CD163L1: variants seen among roughly 807,000 people sequenced by gnomAD.
The protein encoded by CD163L1 is scavenger receptor cysteine-rich type 1 protein M160.
In CD163L1, 124 loss-of-function variants were observed where a neutral mutation model predicts 165.4. The observed-to-expected ratio is 0.75, with a 90% confidence interval of 0.65 to 0.87. The LOEUF (loss-of-function observed/expected upper bound fraction) is 0.87. CD163L1 is among the 40% of genes least tolerant of loss of function. The probability of loss-of-function intolerance (pLI) is 0.00; values close to 1 mark genes in which losing one functional copy is unlikely to be tolerated. For missense variants in CD163L1, 1,525 were observed against 1,799.9 expected, an observed-to-expected ratio of 0.85 and a Z score of 2.76; for synonymous variants, 585 against 662.2, an observed-to-expected ratio of 0.88 and a Z score of 1.79.
Position 7,375,586 on chromosome 12 carries a change from T to C in CD163L1, c.2696A>G (p.Asp899Gly). 2 of 1,612,400 alleles carry C rather than the reference T, an allele frequency of 1.2e-6. No homozygotes were observed. The highest frequency in any genetic ancestry group is 1.7e-6 in the Non-Finnish European group (2 of 1,179,996). Reference protein sequence around the residue: ...EVGVVCSRYTDVRLVNGKSQC... With the variant: ...EVGVVCSRYTGVRLVNGKSQC... ...GGATTTGCCATTCACAAGTCGGACA[T>C]CTGTATATCCTAGGAGGAGACAAGG... Residue 899 changes from aspartate (D) to glycine (G), a missense_variant, in exon 11 of 20, where the codon GAT becomes GGT. Coordinates refer to ENST00000313599, the MANE Select transcript of CD163L1 (RefSeq NM_174941.6).
intron 4 of CD163L1, among the ~76,000 whole-genome samples, chr12:7,410,870 T>A (rs1411061465): frequency 1.3e-5 from 2 of 148,440 alleles, no homozygotes; most frequent in Admixed American, 1.3e-4. Flanking sequence ...TATATATATA[T>A]AATAAAAAAT....
In CD163L1 at chr12:7,398,573, G is replaced by C. The variant is rs749093549; in HGVS notation, c.1420C>G (p.Leu474Val). 1 of 1,568,748 alleles carries C rather than the reference G, an allele frequency of 6.4e-7. No homozygotes were observed. Among genetic ancestry groups the C allele is most frequent in the Non-Finnish European group, 8.6e-7 (1 of 1,160,358 alleles). Residue 474 changes from leucine (L) to valine (V), a missense_variant, in exon 7 of 20, where the codon CTG (leucine) becomes GTG (valine). Coordinates refer to ENST00000313599, the MANE Select transcript of CD163L1 (RefSeq NM_174941.6). This position sits in a 1 kb window ranked among gnomAD's most constrained non-coding sequence, Gnocchi z 4.5. The stretch of plus-strand genomic sequence containing the variant: ...TGAGCCCCGACAAGCCTTAGGTCCA[G>C]ATCTGCCTTATCTGCAAGCAAGACA... ...AGVICSDKADLDLRLVGAHSP... is the reference protein window; with the variant it reads ...AGVICSDKADVDLRLVGAHSP...
chr12:7,349,132 T>G (rs1303007113), intron 4 of CD163L1, among the ~76,000 whole-genome samples: 1 of 152,124 alleles, frequency 6.6e-6, no homozygotes, highest in East Asian at 1.9e-4. Context: ...GTTTAGAGAC[T>G]GATAAGCTTG....
intron 18 of CD163L1, among the ~76,000 whole-genome samples, chr12:7,362,074 T>C (rs1439544470): frequency 2.0e-5 from 3 of 149,722 alleles, no homozygotes; most frequent in African/African-American, 7.3e-5. Context: ...TACATTCCAT[T>C]GTATATATAC....
chr12:7,350,795 A>G (rs1006656790), downstream of CD163L1, among the ~76,000 whole-genome samples: 6 of 152,196 alleles, frequency 3.9e-5, no homozygotes, highest in African/African-American at 9.6e-5. Flanking sequence ...AAAATTGCCA[A>G]AATATCAAAA....
At chr12:7,352,031 AG>A, downstream of CD163L1, among the ~76,000 whole-genome samples, 1 of 152,318 alleles carries the variant, frequency 6.6e-6, no homozygotes, top group Non-Finnish European at 1.5e-5. Context: ...TACTGACAGT[AG>A]AATTTCAACA....
chr12:7,362,148 A>G (rs1349715950), intron 18 of CD163L1, among the ~76,000 whole-genome samples: 1 of 146,644 alleles, frequency 6.8e-6, no homozygotes, highest in Non-Finnish European at 1.5e-5. Flanking sequence ...TATACTATAT[A>G]TTATTTTTAT....
chr12:7,338,910 T>A, the CD163L1 span, among the ~76,000 whole-genome samples: 2 of 152,164 alleles, frequency 1.3e-5, no homozygotes, highest in Non-Finnish European at 2.9e-5. Context: ...TATTCCCAAA[T>A]GGTGTTCCTT....
chr12:7,375,450 C>T lies in CD163L1; in HGVS notation c.2832G>A (p.Gly944=), dbSNP rs1403611829. 15 of 1,614,078 alleles carry T rather than the reference C, an allele frequency of 9.3e-6. No homozygotes were observed. Among genetic ancestry groups the T allele is most frequent in the Non-Finnish European group, 1.2e-5 (14 of 1,180,048 alleles). ...ARVLCRQLSC[G]TALSTTGGKY... ...TTCCTCCTGTGGTTGAGAGAGCAGT[C>T]CCACAGCTGAGCTGTCTGCATAGAA... Residue 944 remains glycine (G), a synonymous_variant, in exon 11 of 20, where the codon GGG becomes GGA. Transcript: ENST00000313599.
At position 7,373,471 on chromosome 12, in the gene CD163L1, G is replaced by A. The variant is rs778666311; in HGVS notation, c.3579C>T (p.Ser1193=). The A allele has an allele frequency of 9.9e-6, 16 of 1,614,180 alleles. No individual in the cohort carries two copies. The South Asian group carries it at 1.4e-4, about 14-fold the overall frequency. The stretch of plus-strand genomic sequence containing the variant: ...AGCCTGTCTTAGATAAAGGGGCGAG[G>A]CTGACAACTCCATTCTCCCCACAGC... ...QLGCGENGVV[S]LAPLSKTGSG... is the part of the protein sequence containing the mutation. The change falls in exon 14 of 20, where the codon AGC becomes AGT. Residue 1193 remains serine (S), a synonymous_variant. Transcript: ENST00000313599.
intron 4 of CD163L1, among the ~76,000 whole-genome samples, chr12:7,414,719 T>C (rs1334627430): frequency 6.6e-6 from 1 of 152,088 alleles, no homozygotes; most frequent in East Asian, 1.9e-4. Flanking sequence ...AACAGAAAAC[T>C]AGCCACATGC....
chr12:7,368,821 A>C lies in CD163L1; in HGVS notation c.4072+112T>G, dbSNP rs1380281566. ...ACCACTGGCTGCGACCCACAGACTC[A>C]TATTTCTGCAGTCCCCAGTCTTCTT... On this transcript the variant is annotated intron_variant, in intron 16 of 19. Transcript: ENST00000313599. This position sits in a 1 kb window ranked among gnomAD's most constrained non-coding sequence, Gnocchi z 4.3. The C allele has an allele frequency of 1.7e-6, 2 of 1,198,178 alleles. No individual in the cohort carries two copies. Among genetic ancestry groups the C allele is most frequent in the Admixed American group, 3.5e-5 (2 of 57,480 alleles). 74.2% of individuals were successfully genotyped at this position (1,198,178 alleles called of 1,614,324 possible).
In CD163L1 at chr12:7,357,412, T is replaced by C; in HGVS notation, c.4354A>G (p.Thr1452Ala). The change falls in exon 19 of 20, where the codon ACA (threonine) becomes GCA (alanine). Residue 1452 changes from threonine (T) to alanine (A), a missense_variant. Transcript: ENST00000313599. ...LLGVLPASEA[T>A]K ...GCCCTGGAAGTCTAAAGTCATTTTG[T>C]GGCTTCAGAGGCAGGAAGAACTCCC... The C allele has an allele frequency of 6.2e-7, 1 of 1,612,652 alleles. No individual in the cohort carries two copies. Among genetic ancestry groups the C allele is most frequent in the Non-Finnish European group, 8.5e-7 (1 of 1,178,996 alleles).
the CD163L1 span, among the ~76,000 whole-genome samples, chr12:7,336,242 A>T: frequency 1.4e-5 from 2 of 142,094 alleles, no homozygotes; most frequent in African/African-American, 5.3e-5. Context: ...ACAATAGCAA[A>T]GACTTGGAAC....
the CD163L1 span, among the ~76,000 whole-genome samples, chr12:7,339,578 C>CA: frequency 6.6e-6 from 1 of 152,188 alleles, no homozygotes; most frequent in East Asian, 1.9e-4. Context: ...TAGCTAACCC[C>CA]ATGCTCAGTT....
At chr12:7,407,614 G>T (rs992752923) in intron 4 of CD163L1, among the ~76,000 whole-genome samples, 4 of 150,258 alleles carry the variant, frequency 2.7e-5, no homozygotes, top group African/African-American at 9.8e-5. Context: ...AAAGAAATAA[G>T]GAAATAAGGA....
chr12:7,415,963 AT>A (rs2136562725), intron 4 of CD163L1, among the ~76,000 whole-genome samples: 1 of 152,282 alleles, frequency 6.6e-6, no homozygotes, highest in East Asian at 1.9e-4. Flanking sequence ...GTTGGGTAAA[AT>A]GGTATTTATG....
chr12:7,362,939 G>T (rs886125457), intron 18 of CD163L1, among the ~76,000 whole-genome samples: 25 of 151,048 alleles, frequency 1.7e-4, no homozygotes, highest in African/African-American at 5.8e-4. Flanking sequence ...GCCATGAAAA[G>T]GAAATAAAGA....
the CD163L1 span, chr12:7,326,838 A>C: frequency 1.1e-6 from 1 of 951,992 alleles, no homozygotes; most frequent in Non-Finnish European, 1.5e-6. Flanking sequence ...AGCTTTGTTC[A>C]GAGGTAACCT....
Sources: allele counts gnomAD v4.1 joint callset (sites outside exome capture counted in the v4.1 genomes callset), GRCh38; gene constraint gnomAD v4.1.1; non-coding constraint Gnocchi (gnomAD v3.1); transcripts MANE v1.5; gene names NCBI Gene and HGNC (gene_info 2026-07-23, HGNC 2026-07-21).